Variants in DNAJC15 observed in about 807,000 individuals in gnomAD.
The protein encoded by DNAJC15 is DnaJ heat shock protein family (Hsp40) member C15.
In DNAJC15, 27 loss-of-function variants were observed where a neutral mutation model predicts 22.4. The ratio of observed to expected loss-of-function variants is 1.20; its 90% CI spans 0.89 to 1.66. The LOEUF is 1.66. Ranked by LOEUF, DNAJC15 falls within the 40% of genes most tolerant of loss-of-function variation. The pLI is 0.00. For missense variants in DNAJC15, 208 were observed against 187.1 expected (o/e 1.11, Z -0.65); for synonymous variants, 79 against 63.2 (o/e 1.25, Z -1.19).
At chr13:43,045,040 A>C (rs959601814) in intron 1 of DNAJC15, among the ~76,000 whole-genome samples, 1 of 142,224 alleles carries the variant, frequency 7.0e-6, no homozygotes, top group African/African-American at 2.4e-5. Context: ...GCTAGTCTTT[A>C]TGTTGACCAT....
intron 4 of DNAJC15, among the ~76,000 whole-genome samples, chr13:43,082,583 T>C (rs1361651052): frequency 2.0e-5 from 3 of 152,188 alleles, no homozygotes; most frequent in African/African-American, 7.2e-5. Flanking sequence ...ATGCCATACT[T>C]GTGCATATGA....
intron 2 of DNAJC15, among the ~76,000 whole-genome samples, chr13:43,068,003 G>A (rs2040591669): frequency 6.6e-6 from 1 of 152,198 alleles, no homozygotes; most frequent in Admixed American, 6.5e-5. Flanking sequence ...ACTGTAACAT[G>A]TTTGCACAGA....
intron 1 of DNAJC15, among the ~76,000 whole-genome samples, chr13:43,041,300 A>G (rs538028888): frequency 4.3e-4 from 66 of 152,344 alleles, no homozygotes; most frequent in Non-Finnish European, 7.3e-4. Flanking sequence ...TTTGTTTAAC[A>G]AAGCACATCT....
chr13:43,041,471 GAC>G (rs2040453539), intron 1 of DNAJC15, among the ~76,000 whole-genome samples: 1 of 152,132 alleles, frequency 6.6e-6, no homozygotes, highest in South Asian at 2.1e-4. Flanking sequence ...TTTCTACACA[GAC>G]ACAGTAACAA....
chr13:43,059,464 AAGCGATTCTCCTGTCTCAACCTCCCG>A (rs2040547367), intron 1 of DNAJC15, among the ~76,000 whole-genome samples: 1 of 152,084 alleles, frequency 6.6e-6, no homozygotes, highest in African/African-American at 2.4e-5. Flanking sequence ...TCCCGGGTTC[AAGCGATTCTCCTGTCTCAACCTCCCG>A]AGTAGCTGGG....
chr13:43,034,606 C>T (rs1484512006), intron 1 of DNAJC15, among the ~76,000 whole-genome samples: 6 of 117,632 alleles, frequency 5.1e-5, no homozygotes, highest in South Asian at 3.2e-4. Context: ...TGAGCCACCG[C>T]ACCCAGCCGA....
intron 1 of DNAJC15, among the ~76,000 whole-genome samples, chr13:43,056,386 C>T (rs1402578556): frequency 6.6e-6 from 1 of 152,168 alleles, no homozygotes; most frequent in Non-Finnish European, 1.5e-5. Flanking sequence ...GATCCACCTG[C>T]CTCAGCTTCC....
chr13:43,100,840 A>G (rs1343466917), intron 5 of DNAJC15, among the ~76,000 whole-genome samples: 2 of 152,120 alleles, frequency 1.3e-5, no homozygotes, highest in Admixed American at 6.5e-5. Context: ...TTGTTCTGTT[A>G]TTGAAAGTGG....
intron 4 of DNAJC15, among the ~76,000 whole-genome samples, chr13:43,082,859 T>TATAC (rs1555276534): frequency 1.1e-4 from 16 of 146,918 alleles, no homozygotes; most frequent in African/African-American, 4.0e-4. Flanking sequence ...TATATATATA[T>TATAC]ACACACATAT....
At chr13:43,048,877 A>G (rs1442312924) in intron 1 of DNAJC15, among the ~76,000 whole-genome samples, 2 of 152,036 alleles carry the variant, frequency 1.3e-5, no homozygotes, top group Non-Finnish European at 2.9e-5. Flanking sequence ...AGAAAATGTT[A>G]GCTACTTTTT....
At chr13:43,071,717 A>T (rs1054141352) in intron 3 of DNAJC15, among the ~76,000 whole-genome samples, 2 of 152,140 alleles carry the variant, frequency 1.3e-5, no homozygotes, top group Non-Finnish European at 2.9e-5. Context: ...GGGTCACTAA[A>T]TCTCTGTCAT....
intron 5 of DNAJC15, among the ~76,000 whole-genome samples, chr13:43,106,582 A>AT: frequency 6.6e-6 from 1 of 152,110 alleles, no homozygotes; most frequent in Middle Eastern, 3.4e-3. Context: ...AACAAAAAAA[A>AT]TTTTTTGACA....
At chr13:43,081,519 A>G (rs2040661399) in intron 4 of DNAJC15, among the ~76,000 whole-genome samples, 1 of 151,890 alleles carries the variant, frequency 6.6e-6, no homozygotes, top group African/African-American at 2.4e-5. Flanking sequence ...CCTCACTGCA[A>G]GCTGCGCCTC....
At chr13:43,033,159 C>G (rs2040411648) in intron 1 of DNAJC15, among the ~76,000 whole-genome samples, 1 of 152,204 alleles carries the variant, frequency 6.6e-6, no homozygotes, top group South Asian at 2.1e-4. Context: ...CCAGGCCCCA[C>G]CTCCCACATT....
rs2040831123 is a variant in DNAJC15, at chr13:43,112,844, G to A, written c.*5596G>A. ...TAAATATGTGGGAATCAGAATGAAGGGGCTTGTATGACTTTTGGCTCATTT... is the reference window on the plus strand; with the variant it reads ...TAAATATGTGGGAATCAGAATGAAGAGGCTTGTATGACTTTTGGCTCATTT... On this transcript the variant is annotated 3_prime_UTR_variant, in exon 6 of 6. Coordinates refer to ENST00000379221, the MANE Select transcript of DNAJC15 (RefSeq NM_013238.3). 6.6e-6 allele frequency: 1 copy of A among 152,172 alleles called. No individual in the cohort carries two copies. Among genetic ancestry groups the A allele is most frequent in the African/African-American group, 2.4e-5 (1 of 41,436 alleles). The allele number at this position is 152,172 out of a possible 1,614,324, so 9.4% of individuals were successfully genotyped here.
chr13:43,085,861 A>G (rs750595613), intron 5 of DNAJC15, 23 bp downstream of exon 5: 5 of 1,580,560 alleles, frequency 3.2e-6, no homozygotes, highest in African/African-American at 1.3e-5. Flanking sequence ...CCTATTTTTC[A>G]TAATATGTAT....
chr13:43,025,701 C>T (rs565939647), intron 1 of DNAJC15, among the ~76,000 whole-genome samples: 2 of 152,242 alleles, frequency 1.3e-5, no homozygotes, highest in East Asian at 3.9e-4. Flanking sequence ...GTCAGGGGTT[C>T]GAGACCAGCC....
intron 4 of DNAJC15, among the ~76,000 whole-genome samples, chr13:43,084,733 A>G (rs2040679196): frequency 1.3e-5 from 2 of 152,244 alleles, no homozygotes; most frequent in South Asian, 2.1e-4. Flanking sequence ...TACTGGATAC[A>G]TTGGGTTTTA....
chr13:43,079,423 A>G (rs557087278), intron 4 of DNAJC15, among the ~76,000 whole-genome samples: 1 of 152,282 alleles, frequency 6.6e-6, no homozygotes, highest in East Asian at 1.9e-4. Context: ...AAAAAGCCAA[A>G]ACATTTTATT....
Sources: gnomAD v4.1 joint callset for allele counts (sites outside exome capture counted in the v4.1 genomes callset) on GRCh38, gnomAD v4.1.1 for gene constraint, MANE v1.5 for transcripts, NCBI Gene and HGNC (gene_info 2026-07-23, HGNC 2026-07-21) for gene names.